RARB: variants seen among roughly 807,000 people sequenced by gnomAD.
The protein encoded by RARB is HBV-activated protein.
RARB carries 17 observed loss-of-function variants against 51.9 expected under a neutral mutation model. That is an observed-to-expected ratio of 0.33 (90% confidence interval 0.22 to 0.49). The LOEUF (loss-of-function observed/expected upper bound fraction) is 0.49, where lower values mean the gene tolerates loss of function less well. Among genes scored for constraint, RARB ranks in the 20% least tolerant of loss-of-function variants. The pLI, the probability that RARB is intolerant of heterozygous loss-of-function variation, is 0.99. For synonymous variants in RARB, 215 were observed against 195.4 expected (o/e 1.10, Z -0.84); for missense variants, 369 against 550.8 (o/e 0.67, Z 3.30).
chr3:25,259,941 G>A, intron 5 of RARB: 1 of 985,322 alleles, frequency 1.0e-6, no homozygotes, highest in Non-Finnish European at 1.2e-6. Context: ...GGCATTCATG[G>A]AGGGGAGGGG....
chr3:25,256,017 A>G (rs913631242), intron 5 of RARB, among the ~76,000 whole-genome samples: 1 of 152,268 alleles, frequency 6.6e-6, no homozygotes, highest in African/African-American at 2.4e-5. Flanking sequence ...AATGTATCAT[A>G]TCATGTAAAT....
At chr3:25,110,650 A>G (rs201500518) in intron 3 of RARB, among the ~76,000 whole-genome samples, 1 of 152,202 alleles carries the variant, frequency 6.6e-6, no homozygotes, top group East Asian at 1.9e-4. Flanking sequence ...GGCTGTAATT[A>G]TGTCTTATTT....
intron 5 of RARB, among the ~76,000 whole-genome samples, chr3:25,283,194 A>G (rs1424417020): frequency 6.6e-6 from 1 of 152,186 alleles, no homozygotes; most frequent in African/African-American, 2.4e-5. Context: ...TAAGGCCAAA[A>G]TCAAAAGTTT....
At chr3:25,454,558 A>G (rs1236628643) in intron 1 of RARB, among the ~76,000 whole-genome samples, 2 of 152,208 alleles carry the variant, frequency 1.3e-5, no homozygotes, top group East Asian at 3.8e-4. Context: ...TCTTAATCAC[A>G]GAAGGTTCTA....
At chr3:25,442,599 G>T (rs1218320858) in intron 1 of RARB, among the ~76,000 whole-genome samples, 2 of 151,866 alleles carry the variant, frequency 1.3e-5, no homozygotes, top group Non-Finnish European at 2.9e-5. Context: ...TCTCTCCTAT[G>T]GCTATTAACA....
chr3:25,340,805 A>G (rs1705206082), intron 5 of RARB, among the ~76,000 whole-genome samples: 1 of 152,202 alleles, frequency 6.6e-6, no homozygotes, highest in Non-Finnish European at 1.5e-5. Flanking sequence ...GAAGCCATTG[A>G]CAGAGCTTGA....
At chr3:25,386,102 G>A (rs1706786619) in intron 5 of RARB, among the ~76,000 whole-genome samples, 1 of 152,144 alleles carries the variant, frequency 6.6e-6, no homozygotes, top group Admixed American at 6.5e-5. Flanking sequence ...AACACGAACA[G>A]GCAATATAGT....
chr3:25,369,649 G>A (rs1425867313), intron 5 of RARB, among the ~76,000 whole-genome samples: 2 of 152,188 alleles, frequency 1.3e-5, no homozygotes, highest in African/African-American at 2.4e-5. Flanking sequence ...ATGGCCAGGC[G>A]CGGTGGCTCA....
At chr3:25,195,558 T>C (rs73054340) in intron 5 of RARB, among the ~76,000 whole-genome samples, 12,065 of 152,070 alleles carry the variant, frequency 0.079, 636 homozygotes, top group Non-Finnish European at 0.12. Context: ...ACTTTCCAAC[T>C]TTACTGAATT....
chr3:25,191,372 C>G (rs1027112373), intron 5 of RARB, among the ~76,000 whole-genome samples: 2 of 152,042 alleles, frequency 1.3e-5, no homozygotes, highest in African/African-American at 4.8e-5. Flanking sequence ...TTTGTTTATT[C>G]CACCTTATAA....
chr3:24,910,167 T>C (rs190812461), intron 2 of RARB, among the ~76,000 whole-genome samples: 1 of 152,284 alleles, frequency 6.6e-6, no homozygotes, highest in African/African-American at 2.4e-5. Context: ...ATGTTTCTAT[T>C]TTTTGCAAGC....
intron 3 of RARB, among the ~76,000 whole-genome samples, chr3:25,526,857 T>C (rs1405289029): frequency 6.6e-6 from 1 of 152,220 alleles, no homozygotes; most frequent in Non-Finnish European, 1.5e-5. Flanking sequence ...CTCATGATTT[T>C]AATAATGGAG....
chr3:25,404,839 C>A (rs867335204), intron 5 of RARB, among the ~76,000 whole-genome samples: 2 of 152,206 alleles, frequency 1.3e-5, no homozygotes, highest in South Asian at 2.1e-4. Context: ...ACCTACTGAA[C>A]CTCCAACCCA....
chr3:25,186,735 G>T (rs967538076), intron 5 of RARB, among the ~76,000 whole-genome samples: 1 of 151,996 alleles, frequency 6.6e-6, no homozygotes, highest in Non-Finnish European at 1.5e-5. Context: ...GAAAAGAAAT[G>T]ATTTTTTTCC....
chr3:25,495,684 A>G (rs1696990213), intron 2 of RARB, among the ~76,000 whole-genome samples: 1 of 152,222 alleles, frequency 6.6e-6, no homozygotes, highest in Non-Finnish European at 1.5e-5. Context: ...TGAAAAATCC[A>G]CGGTTAGAAA....
chr3:25,557,172 C>CACACACA (rs1295362891), intron 3 of RARB, among the ~76,000 whole-genome samples: 8 of 147,548 alleles, frequency 5.4e-5, no homozygotes, highest in Non-Finnish European at 1.1e-4. Context: ...CACACACACA[C>CACACACA]AATTGCCATG....
At chr3:25,191,861 A>G (rs1701111893) in intron 5 of RARB, among the ~76,000 whole-genome samples, 3 of 152,154 alleles carry the variant, frequency 2.0e-5, no homozygotes, top group Admixed American at 2.0e-4. Flanking sequence ...GTCTCTGATT[A>G]CATAGTCAAG....
intron 2 of RARB, among the ~76,000 whole-genome samples, chr3:25,010,335 C>A (rs143581179): frequency 1.6e-3 from 251 of 152,138 alleles, no homozygotes; most frequent in African/African-American, 5.8e-3. Context: ...TAAACTAAAT[C>A]AGAATGTAAA....
At chr3:25,345,463 G>C (rs1277434001) in intron 5 of RARB, among the ~76,000 whole-genome samples, 1 of 152,012 alleles carries the variant, frequency 6.6e-6, no homozygotes, top group Non-Finnish European at 1.5e-5. Flanking sequence ...TCAGGAGTTT[G>C]AGACCAGCCT....
Sources: allele counts gnomAD v4.1 joint callset (sites outside exome capture counted in the v4.1 genomes callset), GRCh38; gene constraint gnomAD v4.1.1; transcripts MANE v1.5; gene names NCBI Gene and HGNC (gene_info 2026-07-23, HGNC 2026-07-21).